Variants in ICE1 observed in about 807,000 individuals in gnomAD.
ICE1 encodes the protein little elongation complex subunit 1.
ICE1 carries 64 observed loss-of-function variants against 192.7 expected under a neutral mutation model. The observed-to-expected ratio is 0.33, with a 90% CI of 0.27 to 0.41. The LOEUF is 0.41. ICE1 is among the 10% of genes least tolerant of loss of function. The pLI is 1.00. For synonymous variants in ICE1, 1,010 were observed against 984.5 expected (o/e 1.03, Z -0.49); for missense variants, 2,708 against 2,696.0 (o/e 1.00, Z -0.10).
At chr5:5,465,610 T>C (rs1738961741) in intron 13 of ICE1, among the ~76,000 whole-genome samples, 1 of 152,174 alleles carries the variant, frequency 6.6e-6, no homozygotes, top group African/African-American at 2.4e-5. Flanking sequence ...AAATGCTTAG[T>C]GTCAAGAGAG....
chr5:5,470,303 G>A (rs996740617), intron 15 of ICE1, among the ~76,000 whole-genome samples: 3 of 152,172 alleles, frequency 2.0e-5, no homozygotes, highest in Admixed American at 2.0e-4. Flanking sequence ...CCCGCCTTCA[G>A]AATGTTATCT....
chr5:5,423,819 G>A (rs1008302250), intron 1 of ICE1, among the ~76,000 whole-genome samples: 1 of 152,156 alleles, frequency 6.6e-6, no homozygotes, highest in African/African-American at 2.4e-5. Flanking sequence ...ACTCTGCCTA[G>A]TGTTCTAGGA....
At position 5,457,484 on chromosome 5, in the gene ICE1, G is replaced by A. The variant is rs762051412; in HGVS notation, c.844G>A (p.Val282Met). The A allele has an allele frequency of 2.1e-5, 34 of 1,613,918 alleles. No homozygotes were observed. The highest frequency in any genetic ancestry group is 6.7e-5 in the East Asian group (3 of 44,870). Residue 282 changes from valine (V) to methionine (M), a missense_variant, in exon 12 of 19, where the codon GTG becomes ATG. Val to Met is a conservative substitution (Grantham distance 21). Coordinates refer to ENST00000296564, the MANE Select transcript of ICE1 (RefSeq NM_015325.3). ...AAAGGAGGACTTTTTATGTCAAAATGTGGAAAAACAGAGCTCCAGTGGAAC... is the reference window on the plus strand; with the variant it reads ...AAAGGAGGACTTTTTATGTCAAAATATGGAAAAACAGAGCTCCAGTGGAAC... ...EIKEDFLCQN[V>M]EKQSSSGTNC...
chr5:5,486,093 G>T (rs1006663803), intron 17 of ICE1, among the ~76,000 whole-genome samples: 1 of 152,190 alleles, frequency 6.6e-6, no homozygotes, highest in African/African-American at 2.4e-5. Context: ...AGTGCTTCCT[G>T]TGCCGTCTAC....
intron 17 of ICE1, among the ~76,000 whole-genome samples, chr5:5,480,938 G>A (rs1193411537): frequency 2.0e-5 from 3 of 152,188 alleles, no homozygotes; most frequent in Non-Finnish European, 4.4e-5. Flanking sequence ...ATGCCATGTG[G>A]TGTACAGGTT....
In ICE1 at chr5:5,461,464, G is replaced by A. The variant is rs747511748; in HGVS notation, c.2130G>A (p.Leu710=). ...ENSLCALSPE[L]GASNFNDQKS... ...GCTTGTGTGCCTTGAGCCCTGAATT[G>A]GGAGCATCTAATTTTAATGATCAGA... Residue 710 remains leucine (L), a synonymous_variant, in exon 13 of 19, where the codon TTG becomes TTA. Coordinates refer to ENST00000296564, the MANE Select transcript of ICE1 (RefSeq NM_015325.3). The A allele has an allele frequency of 1.2e-6, 2 of 1,613,964 alleles. No homozygotes were observed. Among genetic ancestry groups the A allele is most frequent in the Non-Finnish European group, 8.5e-7 (1 of 1,179,872 alleles).
chr5:5,461,426 A>G lies in ICE1; in HGVS notation c.2092A>G (p.Asn698Asp). 6.2e-7 allele frequency: 1 copy of G among 1,614,030 alleles called. No homozygotes were observed. Residue 698 changes from asparagine (N) to aspartate (D), a missense_variant, in exon 13 of 19, where the codon AAC (asparagine) becomes GAC (aspartate). By Grantham distance (23) the Asn-to-Asp change is conservative. Around this residue, in one of 2 missense-constraint regions of ICE1, gnomAD observed 2,366 missense variants for 2,276.6 expected, o/e 1.04. Transcript: ENST00000296564. The part of the protein sequence containing the change: ...EPPECSIGGN[N>D]LENSLCALSP... Reference sequence around the variant, plus strand: ...ACCGGAGTGTTCTATAGGAGGAAACAACTTGGAGAATAGCTTGTGTGCCTT... The same window carrying G: ...ACCGGAGTGTTCTATAGGAGGAAACGACTTGGAGAATAGCTTGTGTGCCTT...
At chr5:5,477,265 A>T (rs949720158) in intron 17 of ICE1, among the ~76,000 whole-genome samples, 4 of 152,206 alleles carry the variant, frequency 2.6e-5, no homozygotes, top group East Asian at 1.9e-4. Context: ...AAGAAAAGAG[A>T]CAAGAATCAA....
intron 14 of ICE1, among the ~76,000 whole-genome samples, chr5:5,468,395 A>T (rs1170021473): frequency 2.0e-5 from 3 of 152,124 alleles, no homozygotes; most frequent in African/African-American, 7.2e-5. Context: ...TTGTCTGTAG[A>T]CTACACTTCA....
At chr5:5,434,533 CAA>C (rs1212552008) in intron 1 of ICE1, among the ~76,000 whole-genome samples, 2 of 152,094 alleles carry the variant, frequency 1.3e-5, no homozygotes, top group East Asian at 3.8e-4. Flanking sequence ...AATCAACAAA[CAA>C]AAATTAGTAA....
At chr5:5,426,564 A>T (rs1737525845) in intron 1 of ICE1, among the ~76,000 whole-genome samples, 1 of 152,150 alleles carries the variant, frequency 6.6e-6, no homozygotes, top group South Asian at 2.1e-4. Context: ...TCATGGGATT[A>T]CATGCTATCA....
intron 1 of ICE1, among the ~76,000 whole-genome samples, chr5:5,425,993 G>A (rs188411962): frequency 7.9e-5 from 12 of 152,326 alleles, no homozygotes; most frequent in African/African-American, 2.2e-4. Context: ...AGGAGGAAGA[G>A]GAAATCAAGG....
At chr5:5,430,828 G>A (rs1021796247) in intron 1 of ICE1, among the ~76,000 whole-genome samples, 1 of 152,152 alleles carries the variant, frequency 6.6e-6, no homozygotes, top group Non-Finnish European at 1.5e-5. Flanking sequence ...GGTGTTTTCT[G>A]CATGGTTTCT....
At chr5:5,465,351 C>G in intron 13 of ICE1, 125 bp downstream of exon 13, 1 of 647,566 alleles carries the variant, frequency 1.5e-6, no homozygotes, top group South Asian at 2.1e-5. Context: ...TGAGAGTTAT[C>G]CATGTAAACA....
intron 16 of ICE1, among the ~76,000 whole-genome samples, chr5:5,475,731 C>G (rs367920596): frequency 6.8e-4 from 103 of 152,192 alleles, no homozygotes; most frequent in African/African-American, 2.4e-3. Flanking sequence ...CTGTCCAAAG[C>G]CTTGTTCAGA....
chr5:5,454,498 C>T (rs919061772), intron 10 of ICE1, 54 bp from the exon 11 acceptor site: 1 of 1,240,058 alleles, frequency 8.1e-7, no homozygotes, highest in South Asian at 1.2e-5. Context: ...ATGTTCTGGC[C>T]TTGTGTACGG....
intron 14 of ICE1, among the ~76,000 whole-genome samples, 173 bp from the exon 15 acceptor site, chr5:5,468,655 C>T (rs1400827940): frequency 1.3e-5 from 2 of 152,318 alleles, no homozygotes; most frequent in Admixed American, 1.3e-4. Flanking sequence ...AGTTGGAGAA[C>T]GGATTTTGGA....
intron 1 of ICE1, among the ~76,000 whole-genome samples, chr5:5,425,153 A>T (rs1027920459): frequency 3.9e-5 from 6 of 152,008 alleles, no homozygotes; most frequent in Non-Finnish European, 5.9e-5. Flanking sequence ...TGCCTTCATT[A>T]TTCACCCACT....
In ICE1 at chr5:5,464,313, C is replaced by T. The variant is rs568938566; in HGVS notation, c.4979C>T (p.Ser1660Phe). ...LSPLISSSSP[S>F]SPASPVGQVS... The stretch of plus-strand genomic sequence containing the variant: ...CCACTGATATCGAGTTCTAGTCCTT[C>T]CTCACCAGCCTCTCCTGTTGGCCAG... The change falls in exon 13 of 19, where the codon TCC (serine) becomes TTC (phenylalanine). Residue 1660 changes from serine (S) to phenylalanine (F), a missense_variant. Ser to Phe is a radical substitution (Grantham distance 155, BLOSUM62 -2). Around this residue, in one of 2 missense-constraint regions of ICE1, gnomAD observed 2,366 missense variants for 2,276.6 expected, o/e 1.04. Transcript: ENST00000296564. This position sits in a 1 kb window ranked among gnomAD's most constrained non-coding sequence, Gnocchi z 4.0. 4 of 1,613,718 alleles carry T rather than the reference C, an allele frequency of 2.5e-6. No individual in the cohort carries two copies. Among genetic ancestry groups the T allele is most frequent in the South Asian group, 2.2e-5 (2 of 91,054 alleles).
Sources: gnomAD v4.1 joint callset for allele counts (sites outside exome capture counted in the v4.1 genomes callset) on GRCh38, gnomAD v4.1.1 for gene constraint, gnomAD v4.1.1 regional missense constraint, Gnocchi (gnomAD v3.1) non-coding constraint, MANE v1.5 for transcripts, NCBI Gene and HGNC (gene_info 2026-07-23, HGNC 2026-07-21) for gene names.